Variants in NLGN1 observed in about 807,000 individuals in gnomAD.
NLGN1 encodes neuroligin-1.
A neutral mutation model predicts 65.5 loss-of-function variants in NLGN1; 12 were observed. That is an observed-to-expected ratio of 0.18 (90% CI 0.12 to 0.30). The LOEUF is 0.30. Among genes scored for constraint, NLGN1 ranks in the 10% least tolerant of loss-of-function variants. The pLI, the probability that NLGN1 is intolerant of heterozygous loss-of-function variation, is 1.00. For synonymous variants in NLGN1, 350 were observed against 359.5 expected (o/e 0.97, Z 0.30); for missense variants, 750 against 1,007.1 (o/e 0.74, Z 3.46).
At chr3:173,870,755 T>G (rs1043637483) in intron 4 of NLGN1, among the ~76,000 whole-genome samples, 2 of 152,204 alleles carry the variant, frequency 1.3e-5, no homozygotes, top group African/African-American at 4.8e-5. Context: ...AAGTACACTG[T>G]GATCGAATGA....
chr3:173,846,392 A>G (rs1725798625), intron 4 of NLGN1, among the ~76,000 whole-genome samples: 1 of 152,150 alleles, frequency 6.6e-6, no homozygotes, highest in Admixed American at 6.6e-5. Flanking sequence ...TTTCTGAGGG[A>G]CATACTCCCA....
At chr3:173,484,418 G>C (rs1727821437) in intron 2 of NLGN1, among the ~76,000 whole-genome samples, 1 of 152,046 alleles carries the variant, frequency 6.6e-6, no homozygotes, top group Admixed American at 6.6e-5. Context: ...AAATTTAAAA[G>C]ATGGAATGTG....
rs150402996 is a variant in NLGN1, at chr3:173,782,543, G to C, written c.494-25137G>C. ...TAAAAGCTCCATTTTATGAATGTTT[G>C]TAGTTTATGGACTTTTGCTCTTGGG... On this transcript the variant is annotated intron_variant, in intron 3 of 6. Transcript: ENST00000457714. 7.7e-3 allele frequency among the ~76,000 whole-genome samples: 1,173 copies of C among 152,208 alleles called. 19 individuals are homozygous for C. The highest frequency in any genetic ancestry group is 0.026 in the African/African-American group (1,063 of 41,540).
intron 4 of NLGN1, among the ~76,000 whole-genome samples, chr3:174,008,777 G>T (rs1002907145): frequency 6.6e-6 from 1 of 151,810 alleles, no homozygotes; most frequent in Non-Finnish European, 1.5e-5. Context: ...AAAATGTAAG[G>T]TCCTTTCACA....
rs9872248 is a variant in NLGN1, at chr3:173,500,481, T to G, written c.-321+65403T>G. ...GTCTTTTATTGAGGATTTTTGCATC[T>G]ATGTTCATCAGGGATATTGCTCTAA... is the stretch of plus-strand genomic sequence containing the variant. On this transcript the variant is annotated intron_variant, in intron 2 of 6. Coordinates refer to ENST00000457714, the Ensembl canonical transcript of NLGN1. 9.0e-3 allele frequency among the ~76,000 whole-genome samples: 1,372 copies of G among 152,252 alleles called. 23 individuals carry two copies. Among genetic ancestry groups the G allele is most frequent in the African/African-American group, 0.032 (1,321 of 41,548 alleles).
At chr3:173,935,641 CTCTCTCTCTCTG>C (rs1560671337) in intron 4 of NLGN1, among the ~76,000 whole-genome samples, 1 of 138,270 alleles carries the variant, frequency 7.2e-6, no homozygotes, top group African/African-American at 2.7e-5. Flanking sequence ...CTCTCTCTCT[CTCTCTCTCTCTG>C]TCTCTCTCTG....
At chr3:174,060,060 A>G (rs1042696908) in intron 4 of NLGN1, among the ~76,000 whole-genome samples, 2 of 152,156 alleles carry the variant, frequency 1.3e-5, no homozygotes, top group African/African-American at 2.4e-5. Context: ...GAGGACAATC[A>G]TCATGGCACC....
chr3:173,978,092 A>G (rs76644405), intron 4 of NLGN1, among the ~76,000 whole-genome samples: 2,410 of 152,178 alleles, frequency 0.016, 26 homozygotes, highest in Non-Finnish European at 0.027. Flanking sequence ...TAAGGAAAAG[A>G]TAATAGGTCA....
At chr3:173,507,154 G>C (rs929697066) in intron 2 of NLGN1, among the ~76,000 whole-genome samples, 1 of 152,082 alleles carries the variant, frequency 6.6e-6, no homozygotes, top group Non-Finnish European at 1.5e-5. Context: ...CACTTCTGCT[G>C]TAGGGAATAA....
At chr3:173,438,731 G>C (rs1718606268) in intron 2 of NLGN1, among the ~76,000 whole-genome samples, 1 of 152,038 alleles carries the variant, frequency 6.6e-6, no homozygotes, top group Non-Finnish European at 1.5e-5. Context: ...AAGATTAAAG[G>C]AATTAGAAAT....
intron 2 of NLGN1, among the ~76,000 whole-genome samples, chr3:173,456,995 C>A (rs114562773): frequency 0.028 from 4,227 of 152,000 alleles, 205 homozygotes; most frequent in African/African-American, 0.094. Flanking sequence ...AGGGTGATAC[C>A]CTAACCTATC....
chr3:174,091,643 G>A (rs955888351), intron 4 of NLGN1, among the ~76,000 whole-genome samples: 5 of 151,972 alleles, frequency 3.3e-5, no homozygotes, highest in African/African-American at 4.8e-5. Context: ...TCCTTCTCAG[G>A]AACCAAATAC....
chr3:173,406,800 C>T (rs1019861558), intron 1 of NLGN1, among the ~76,000 whole-genome samples: 3 of 151,862 alleles, frequency 2.0e-5, no homozygotes, highest in African/African-American at 7.3e-5. Context: ...CAGAGGTGTG[C>T]CACTCTCCTT....
At chr3:173,408,910 T>TGAA (rs1711898535) in intron 1 of NLGN1, among the ~76,000 whole-genome samples, 1 of 60,966 alleles carries the variant, frequency 1.6e-5, no homozygotes, top group Non-Finnish European at 3.2e-5. Context: ...AGACTCTGTC[T>TGAA]CAAAAAAAAA....
intron 2 of NLGN1, among the ~76,000 whole-genome samples, chr3:173,533,880 G>A (rs1383804557): frequency 6.6e-6 from 1 of 152,032 alleles, no homozygotes; most frequent in Non-Finnish European, 1.5e-5. Flanking sequence ...TGCTTGGGAG[G>A]ATGAGGTGAG....
chr3:173,524,452 A>AG (rs1735298274), intron 2 of NLGN1, among the ~76,000 whole-genome samples: 1 of 152,158 alleles, frequency 6.6e-6, no homozygotes, highest in Non-Finnish European at 1.5e-5. Flanking sequence ...TATCAAGTCT[A>AG]GGAGTTTTGC....
intron 4 of NLGN1, among the ~76,000 whole-genome samples, chr3:174,029,040 C>A (rs564433722): frequency 5.3e-5 from 8 of 152,268 alleles, no homozygotes; most frequent in South Asian, 4.1e-4. Context: ...TCATGGAGAA[C>A]TTCTGCTAAG....
intron 2 of NLGN1, among the ~76,000 whole-genome samples, chr3:173,462,477 A>T (rs1723569266): frequency 6.6e-6 from 1 of 152,118 alleles, no homozygotes; most frequent in Non-Finnish European, 1.5e-5. Context: ...CTTAAAGTTT[A>T]ATTCCTGGAC....
At chr3:173,992,617 A>T (rs1721361615) in intron 4 of NLGN1, among the ~76,000 whole-genome samples, 2 of 152,246 alleles carry the variant, frequency 1.3e-5, no homozygotes, top group South Asian at 4.1e-4. Context: ...TATGATGTTG[A>T]TTTTGTCCAA....
Sources: allele counts gnomAD v4.1 joint callset (sites outside exome capture counted in the v4.1 genomes callset), GRCh38; gene constraint gnomAD v4.1.1; transcripts MANE v1.5; gene names NCBI Gene and HGNC (gene_info 2026-07-23, HGNC 2026-07-21).